TBC1D9: variants seen among roughly 807,000 people sequenced by gnomAD.
TBC1D9 encodes TBC1 domain family member 9A.
In TBC1D9, 63 loss-of-function variants were observed where a neutral mutation model predicts 132.0. The ratio of observed to expected loss-of-function variants is 0.48; its 90% CI spans 0.39 to 0.59. The LOEUF is 0.59. Ranked by LOEUF, TBC1D9 falls within the 20% of genes least tolerant of loss-of-function variation. The pLI is 0.00. For missense variants in TBC1D9, 1,261 were observed against 1,592.7 expected, an observed-to-expected ratio of 0.79 and a Z score of 3.54; for synonymous variants, 610 against 609.9, an observed-to-expected ratio of 1.00 and a Z score of 0.00.
At chr4:140,689,758 T>G (rs1261462651) in intron 2 of TBC1D9, among the ~76,000 whole-genome samples, 4 of 126,218 alleles carry the variant, frequency 3.2e-5, no homozygotes, top group African/African-American at 1.2e-4. Context: ...CACCCCTTTT[T>G]TTTTTTTGAG....
intron 2 of TBC1D9, among the ~76,000 whole-genome samples, chr4:140,691,785 T>C (rs528262750): frequency 6.6e-6 from 1 of 152,362 alleles, no homozygotes; most frequent in South Asian, 2.1e-4. Context: ...GCCCTAAATA[T>C]ATACCTGGGC....
At chr4:140,702,121 G>A (rs1419564762) in intron 1 of TBC1D9, among the ~76,000 whole-genome samples, 1 of 152,178 alleles carries the variant, frequency 6.6e-6, no homozygotes, top group Non-Finnish European at 1.5e-5. Context: ...CATCAGTCAC[G>A]ATAACCAGGG....
At chr4:140,686,545 T>G in intron 2 of TBC1D9, 83 bp from the exon 3 acceptor site, 1 of 868,354 alleles carries the variant, frequency 1.2e-6, no homozygotes. Context: ...CATTATAGTC[T>G]ATACCATCAA....
intron 13 of TBC1D9, among the ~76,000 whole-genome samples, chr4:140,654,737 A>G (rs964930360): frequency 9.2e-5 from 14 of 152,202 alleles, no homozygotes; most frequent in African/African-American, 3.4e-4. Flanking sequence ...TTTATCTCCA[A>G]TAGTGGAAAC....
chr4:140,624,056 C>T, intron 20 of TBC1D9, 60 bp downstream of exon 20: 1 of 1,337,716 alleles, frequency 7.5e-7, no homozygotes, highest in East Asian at 2.4e-5. Flanking sequence ...GATGACTTTT[C>T]AGTCATAGAA....
At chr4:140,751,685 A>G (rs1036314410) in intron 1 of TBC1D9, among the ~76,000 whole-genome samples, 4 of 152,228 alleles carry the variant, frequency 2.6e-5, no homozygotes, top group African/African-American at 9.6e-5. Context: ...ATTTTGCCAC[A>G]CATGTAACAG....
At chr4:140,685,083 A>G (rs1737759739) in intron 3 of TBC1D9, among the ~76,000 whole-genome samples, 1 of 152,202 alleles carries the variant, frequency 6.6e-6, no homozygotes, top group Admixed American at 6.5e-5. Context: ...GAATTGGACA[A>G]GCATTATTTT....
chr4:140,755,555 T>C (rs937956209), intron 1 of TBC1D9, among the ~76,000 whole-genome samples: 3 of 152,030 alleles, frequency 2.0e-5, no homozygotes, highest in Non-Finnish European at 2.9e-5. Context: ...CCTTCTTCCA[T>C]CCCTCTTTTC....
intron 1 of TBC1D9, among the ~76,000 whole-genome samples, chr4:140,731,690 CA>C (rs1560899071): frequency 1.3e-5 from 2 of 151,674 alleles, no homozygotes; most frequent in African/African-American, 4.8e-5. Flanking sequence ...CACACACACA[CA>C]CACCCCAAAC....
chr4:140,630,560 T>G (rs897592491), intron 16 of TBC1D9, among the ~76,000 whole-genome samples: 2 of 152,218 alleles, frequency 1.3e-5, no homozygotes, highest in Non-Finnish European at 2.9e-5. Flanking sequence ...GATGTTAGTC[T>G]GCCATTTTCG....
Position 140,679,683 on chromosome 4 carries a change from G to A in TBC1D9, c.521C>T (p.Pro174Leu). 1.9e-6 allele frequency: 3 copies of A among 1,613,822 alleles called. No individual in the cohort carries two copies. The highest frequency in any genetic ancestry group is 2.5e-6 in the Non-Finnish European group (3 of 1,179,838). Residue 174 changes from proline to leucine, a missense_variant, in exon 4 of 21, where the codon CCC (proline) becomes CTC (leucine). Around this residue, in one of 3 missense-constraint regions of TBC1D9, gnomAD observed 550 missense variants for 699.0 expected, o/e 0.79. Coordinates refer to ENST00000442267, the MANE Select transcript of TBC1D9 (RefSeq NM_015130.3). ...GCTGAGGTACATCCAACCCTGACGGGGGACCTTCCCCTTCCAATAGCTGCA... is the reference window on the plus strand; with the variant it reads ...GCTGAGGTACATCCAACCCTGACGGAGGACCTTCCCCTTCCAATAGCTGCA... Reference protein sequence around the residue: ...YSCSYWKGKVPRQGWMYLSIN... With the variant: ...YSCSYWKGKVLRQGWMYLSIN...
chr4:140,755,899 T>A lies in TBC1D9; in HGVS notation c.130+17A>T, dbSNP rs776491577. 1 of 1,530,614 alleles carries A rather than the reference T, an allele frequency of 6.5e-7. No homozygotes were observed. The highest frequency in any genetic ancestry group is 2.6e-5 in the East Asian group (1 of 39,082). The allele number at this position is 1,530,614 out of a possible 1,614,324, so 94.8% of individuals were successfully genotyped here. A position where few individuals can be genotyped will look rare whatever the true frequency, so the allele number is the denominator to read the frequency against. ...GCTCCCGGCTCCCCTCCTGCAGGGA[T>A]CGGCCACGGTCCTTACCCGCCAGTC... is the stretch of plus-strand genomic sequence containing the variant. On this transcript the variant is annotated intron_variant, in intron 1 of 20. Coordinates refer to ENST00000442267, the MANE Select transcript of TBC1D9 (RefSeq NM_015130.3).
chr4:140,629,745 T>G (rs992259375), intron 16 of TBC1D9, among the ~76,000 whole-genome samples: 2 of 152,210 alleles, frequency 1.3e-5, no homozygotes, highest in African/African-American at 2.4e-5. Flanking sequence ...TAGTATAGCC[T>G]AAGTGTGAAT....
chr4:140,681,669 C>T (rs189123629), intron 3 of TBC1D9, among the ~76,000 whole-genome samples: 1 of 152,300 alleles, frequency 6.6e-6, no homozygotes, highest in Non-Finnish European at 1.5e-5. Flanking sequence ...CAACACTCTC[C>T]ACACTCCAAT....
chr4:140,628,499 C>T (rs1736742409), intron 16 of TBC1D9, 134 bp from the exon 17 acceptor site: 1 of 778,750 alleles, frequency 1.3e-6, no homozygotes, highest in South Asian at 1.6e-5. Context: ...TGGCCAGGAC[C>T]TGTTTGGGTT....
intron 1 of TBC1D9, among the ~76,000 whole-genome samples, chr4:140,720,554 G>A (rs1273664011): frequency 2.0e-5 from 3 of 152,194 alleles, no homozygotes; most frequent in Non-Finnish European, 4.4e-5. Context: ...GCAAAGCTGG[G>A]ATTTGCTCAA....
At chr4:140,755,777 T>G (rs1739001951) in intron 1 of TBC1D9, 139 bp downstream of exon 1, 2 of 1,304,986 alleles carry the variant, frequency 1.5e-6, no homozygotes, top group African/African-American at 1.6e-5. Flanking sequence ...CGACTCTCGA[T>G]GCCTCGCATA....
At chr4:140,626,451 T>C (rs893631276) in intron 18 of TBC1D9, among the ~76,000 whole-genome samples, 1 of 152,172 alleles carries the variant, frequency 6.6e-6, no homozygotes, top group African/African-American at 2.4e-5. Context: ...AGAAATCACT[T>C]TGGTGCTTAC....
chr4:140,670,968 T>A, intron 6 of TBC1D9, 42 bp from the exon 7 acceptor site: 1 of 1,573,448 alleles, frequency 6.4e-7, no homozygotes, highest in Non-Finnish European at 8.7e-7. Flanking sequence ...TTTCCAAGAA[T>A]TACCCAATAG....
Sources: gnomAD v4.1 joint callset for allele counts (sites outside exome capture counted in the v4.1 genomes callset) on GRCh38, gnomAD v4.1.1 for gene constraint, gnomAD v4.1.1 regional missense constraint, MANE v1.5 for transcripts, NCBI Gene and HGNC (gene_info 2026-07-23, HGNC 2026-07-21) for gene names.